ERBB4: variants seen among roughly 807,000 people sequenced by gnomAD.
ERBB4 encodes receptor tyrosine-protein kinase erbB-4.
ERBB4 carries 42 observed loss-of-function variants against 158.0 expected under a neutral mutation model. That is an observed-to-expected ratio of 0.27 (90% CI 0.21 to 0.34). The LOEUF is 0.34. Among genes scored for constraint, ERBB4 ranks in the 10% least tolerant of loss-of-function variants. The pLI, the probability that ERBB4 is intolerant of heterozygous loss-of-function variation, is 1.00. For synonymous variants in ERBB4, 583 were observed against 558.7 expected (o/e 1.04, Z -0.61); for missense variants, 1,333 against 1,624.1 (o/e 0.82, Z 3.08).
intron 2 of ERBB4, among the ~76,000 whole-genome samples, chr2:211,997,246 G>A (rs1052544707): frequency 6.6e-6 from 1 of 152,042 alleles, no homozygotes; most frequent in South Asian, 2.1e-4. Flanking sequence ...GAATTCATAG[G>A]AAGCATCAGG....
At chr2:212,386,727 C>T (rs556836494) in intron 1 of ERBB4, among the ~76,000 whole-genome samples, 84 of 152,074 alleles carry the variant, frequency 5.5e-4, no homozygotes, top group African/African-American at 1.9e-3. Flanking sequence ...ACTTCCTCTA[C>T]CTGGAATAAG....
intron 2 of ERBB4, among the ~76,000 whole-genome samples, chr2:212,057,262 G>A (rs1284829955): frequency 6.6e-6 from 1 of 152,160 alleles, no homozygotes; most frequent in Non-Finnish European, 1.5e-5. Flanking sequence ...CAATACAGGA[G>A]CACCCAGATT....
At chr2:211,687,670 T>C (rs1490808677) in intron 12 of ERBB4, among the ~76,000 whole-genome samples, 7 of 152,152 alleles carry the variant, frequency 4.6e-5, no homozygotes, top group African/African-American at 1.4e-4. Flanking sequence ...CAGGCTTTTG[T>C]TGGGGCTTTT....
At chr2:211,808,662 A>C (rs2076676098) in intron 3 of ERBB4, among the ~76,000 whole-genome samples, 1 of 152,168 alleles carries the variant, frequency 6.6e-6, no homozygotes, top group Non-Finnish European at 1.5e-5. Context: ...CAGTTCTGTG[A>C]AGAAAGTCAT....
intron 1 of ERBB4, among the ~76,000 whole-genome samples, chr2:212,399,547 TA>T (rs1276099096): frequency 1.9e-4 from 2 of 10,356 alleles, no homozygotes; most frequent in Non-Finnish European, 3.3e-4. Context: ...TATATATACA[TA>T]TATATATATA....
In ERBB4 at chr2:211,679,299, G is replaced by A. The variant is rs10169970; in HGVS notation, c.1490-115C>T. ...CACTTAAAAGAGATATATGGCAAAT[G>A]ACTTTGGTGGCCTATCCCATCGTCA... On this transcript the variant is annotated intron_variant, in intron 12 of 27. Transcript: ENST00000342788. 500,541 of 1,184,252 alleles carry A rather than the reference G, an allele frequency of 0.42. 111,319 individuals carry two copies. Among genetic ancestry groups the A allele is most frequent in the African/African-American group, 0.56 (37,050 of 66,040 alleles). 73.4% of individuals were successfully genotyped at this position (1,184,252 alleles called of 1,614,324 possible). A position where few individuals can be genotyped will look rare whatever the true frequency, so the allele number is the denominator to read the frequency against.
At chr2:212,379,680 C>A (rs541950887) in intron 1 of ERBB4, among the ~76,000 whole-genome samples, 2 of 151,380 alleles carry the variant, frequency 1.3e-5, no homozygotes, top group South Asian at 4.1e-4. Context: ...TGGAAATTAT[C>A]ATAACAAAAT....
At chr2:212,272,921 T>G (rs887155859) in intron 1 of ERBB4, among the ~76,000 whole-genome samples, 2 of 151,638 alleles carry the variant, frequency 1.3e-5, no homozygotes, top group African/African-American at 4.8e-5. Flanking sequence ...AATTTAATTA[T>G]TTCTATTATT....
intron 16 of ERBB4, among the ~76,000 whole-genome samples, chr2:211,633,208 T>C (rs1362701314): frequency 6.6e-6 from 1 of 152,126 alleles, no homozygotes; most frequent in Non-Finnish European, 1.5e-5. Flanking sequence ...AAACCAGTTA[T>C]AGAGTCTTTT....
chr2:211,609,437 A>G (rs888201573), intron 19 of ERBB4, among the ~76,000 whole-genome samples: 15 of 152,248 alleles, frequency 9.9e-5, no homozygotes, highest in Admixed American at 2.0e-4. Flanking sequence ...TTCACACTCA[A>G]TCATATTTCC....
intron 1 of ERBB4, among the ~76,000 whole-genome samples, chr2:212,519,955 G>C (rs1692061145): frequency 6.6e-6 from 1 of 151,894 alleles, no homozygotes. Flanking sequence ...TGTTTGAGTT[G>C]ATGGATAGGT....
chr2:212,192,046 ATGTTATATG>A lies in ERBB4; in HGVS notation c.83-67152_83-67144del, dbSNP rs1559707787. On this transcript the variant is annotated intron_variant, in intron 1 of 27. Coordinates refer to ENST00000342788, the MANE Select transcript of ERBB4 (RefSeq NM_005235.3). Reference sequence around the variant, plus strand: ...GTTATATATGTTATATGTTATATATATGTTATATGTTATATATGTTATATGTTATATATA... The same window carrying A: ...GTTATATATGTTATATGTTATATATATTATATATGTTATATGTTATATATA... 9.0e-5 allele frequency among the ~76,000 whole-genome samples: 4 copies of A among 44,340 alleles called. No individual in the cohort carries two copies. The East Asian group carries it at 1.4e-3, about 16-fold the overall frequency. The allele number at this position is 44,340 out of a possible 152,430, so 29.1% of individuals were successfully genotyped here.
intron 5 of ERBB4, 145 bp downstream of exon 5, chr2:211,750,494 G>A (rs1575093105): frequency 1.4e-6 from 1 of 721,996 alleles, no homozygotes; most frequent in Non-Finnish European, 2.5e-6. Context: ...ATGAAAATCG[G>A]GTAGTTTTCT....
chr2:211,596,920 A>G (rs2068650515), intron 19 of ERBB4, among the ~76,000 whole-genome samples: 1 of 152,106 alleles, frequency 6.6e-6, no homozygotes, highest in African/African-American at 2.4e-5. Flanking sequence ...GCCTGCCACC[A>G]TGCCCAGCTA....
rs906260897 is a variant in ERBB4, at chr2:211,913,791, T to C, written c.421+33639A>G. 2.0e-5 allele frequency among the ~76,000 whole-genome samples: 3 copies of C among 151,816 alleles called. No individual in the cohort carries two copies. In the East Asian group the frequency reaches 5.8e-4, roughly 29 times the overall value. On this transcript the variant is annotated intron_variant, in intron 3 of 27. Coordinates refer to ENST00000342788, the MANE Select transcript of ERBB4 (RefSeq NM_005235.3). The stretch of plus-strand genomic sequence containing the variant: ...AAGAACTGAATGCTATGATTTCTAT[T>C]GACTATGAGTGTATCAATTAGAAAA...
intron 1 of ERBB4, among the ~76,000 whole-genome samples, chr2:212,456,527 A>T (rs116830410): frequency 0.016 from 2,373 of 151,836 alleles, 57 homozygotes; most frequent in African/African-American, 0.053. Context: ...GCTGTTTATA[A>T]ATACCACAAT....
At chr2:211,499,369 A>C (rs2065558026) in intron 20 of ERBB4, among the ~76,000 whole-genome samples, 1 of 151,874 alleles carries the variant, frequency 6.6e-6, no homozygotes, top group East Asian at 1.9e-4. Context: ...CTAAAATACA[A>C]AAAATTAGCT....
chr2:212,104,292 C>A (rs1057445439), intron 2 of ERBB4, among the ~76,000 whole-genome samples: 2 of 152,072 alleles, frequency 1.3e-5, no homozygotes, highest in African/African-American at 4.8e-5. Context: ...TAACCCAATG[C>A]CTGGTCCATA....
chr2:211,583,801 T>A (rs2068179099), intron 19 of ERBB4, among the ~76,000 whole-genome samples: 1 of 151,614 alleles, frequency 6.6e-6, no homozygotes, highest in Non-Finnish European at 1.5e-5. Flanking sequence ...TTGTCAATTA[T>A]TTTTTGTCAA....
Sources: gnomAD v4.1 joint callset for allele counts (sites outside exome capture counted in the v4.1 genomes callset) on GRCh38, gnomAD v4.1.1 for gene constraint, MANE v1.5 for transcripts, NCBI Gene and HGNC (gene_info 2026-07-23, HGNC 2026-07-21) for gene names.